Variants in B3GNT2 observed in about 807,000 individuals in gnomAD.
B3GNT2 encodes UDP-GlcNAc:betaGal beta-1,3-N-acetylglucosaminyltransferase 2.
B3GNT2 carries 12 observed loss-of-function variants against 27.6 expected under a neutral mutation model. The observed-to-expected ratio is 0.44, with a 90% CI of 0.28 to 0.71. The LOEUF (loss-of-function observed/expected upper bound fraction) is 0.71. B3GNT2 is among the 30% of genes least tolerant of loss of function. The probability of loss-of-function intolerance (pLI) is 0.17; values close to 1 mark genes in which losing one functional copy is unlikely to be tolerated. For missense variants in B3GNT2, 413 were observed against 488.5 expected (o/e 0.85, Z 1.46); for synonymous variants, 192 against 189.7 (o/e 1.01, Z -0.10).
chr2:62,214,969 G>C (rs533225772), intron 1 of B3GNT2, among the ~76,000 whole-genome samples: 1 of 152,164 alleles, frequency 6.6e-6, no homozygotes, highest in African/African-American at 2.4e-5. Context: ...CTCTGGGAGG[G>C]TTAATTCCCT....
At position 62,222,354 on chromosome 2, in the gene B3GNT2, A is replaced by G. The variant is rs917542505; in HGVS notation, c.134A>G (p.Lys45Arg). 1 of 1,614,162 alleles carries G rather than the reference A, an allele frequency of 6.2e-7. No individual in the cohort carries two copies. Among genetic ancestry groups the G allele is most frequent in the Non-Finnish European group, 8.5e-7 (1 of 1,180,046 alleles). The change falls in exon 2 of 2, where the codon AAA becomes AGA. Residue 45 changes from lysine (K) to arginine (R), a missense_variant. By Grantham distance (26) the Lys-to-Arg change is conservative (BLOSUM62 2). Coordinates refer to ENST00000301998, the MANE Select transcript of B3GNT2 (RefSeq NM_006577.6). This position sits in a 1 kb window ranked among gnomAD's most constrained non-coding sequence, Gnocchi z 4.2. ...KNGKGEVIIP[K>R]EKFWKISTPP... The stretch of plus-strand genomic sequence containing the variant: ...GGAAAAGGGGAAGTAATAATACCCA[A>G]AGAGAAGTTCTGGAAGATATCTACC...
In B3GNT2 at chr2:62,222,788, A is replaced by G; in HGVS notation, c.568A>G (p.Asn190Asp). Residue 190 changes from asparagine (N) to aspartate (D), a missense_variant, in exon 2 of 2, where the codon AAC becomes GAC. Coordinates refer to ENST00000301998, the MANE Select transcript of B3GNT2 (RefSeq NM_006577.6). The surrounding 1 kb of genome is among the most constrained non-coding windows in gnomAD (Gnocchi z 4.2). ...GCTGGGCCAGACACCCCCAGAGGAC[A>G]ACCACCCCGACCTTTCAGATATGCT... ...FLLGQTPPED[N>D]HPDLSDMLKF... The G allele has an allele frequency of 6.2e-7, 1 of 1,614,198 alleles. No homozygotes were observed. Among genetic ancestry groups the G allele is most frequent in the Non-Finnish European group, 8.5e-7 (1 of 1,180,038 alleles).
chr2:62,213,698 T>A (rs1674520661), intron 1 of B3GNT2, among the ~76,000 whole-genome samples: 1 of 152,162 alleles, frequency 6.6e-6, no homozygotes, highest in Non-Finnish European at 1.5e-5. Context: ...AATTCTTATC[T>A]CCCCTAAGTC....
chr2:62,224,525 G>A lies in B3GNT2; in HGVS notation c.*1111G>A, dbSNP rs923861469. Reference sequence around the variant, plus strand: ...TTTTAAATGTTAAGGTGTAACATATGTTAAATAAAACTGTTATTTTTGAAT... The same window carrying A: ...TTTTAAATGTTAAGGTGTAACATATATTAAATAAAACTGTTATTTTTGAAT... On this transcript the variant is annotated 3_prime_UTR_variant, in exon 2 of 2. Coordinates refer to ENST00000301998, the MANE Select transcript of B3GNT2 (RefSeq NM_006577.6). The A allele has an allele frequency of 2.4e-5, 4 of 167,014 alleles. No homozygotes were observed. The highest frequency in any genetic ancestry group is 4.8e-5 in the African/African-American group (2 of 41,430). 10.3% of individuals were successfully genotyped at this position (167,014 alleles called of 1,614,324 possible). A position where few individuals can be genotyped will look rare whatever the true frequency, so the allele number is the denominator to read the frequency against.
Position 62,222,379 on chromosome 2 carries a change from C to A in B3GNT2, c.159C>A (p.Thr53=). Residue 53 remains threonine, a synonymous_variant, in exon 2 of 2, where the codon ACC becomes ACA. Transcript: ENST00000301998. The surrounding 1 kb of genome is among the most constrained non-coding windows in gnomAD (Gnocchi z 4.2). The part of the protein sequence containing the change: ...IPKEKFWKIS[T]PPEAYWNREQ... ...AAGAGAAGTTCTGGAAGATATCTAC[C>A]CCTCCCGAGGCATACTGGAACCGAG... is the stretch of plus-strand genomic sequence containing the variant. The A allele has an allele frequency of 6.2e-7, 1 of 1,613,952 alleles. No individual in the cohort carries two copies. Among genetic ancestry groups the A allele is most frequent in the Non-Finnish European group, 8.5e-7 (1 of 1,179,998 alleles).
intron 1 of B3GNT2, among the ~76,000 whole-genome samples, chr2:62,207,346 A>C (rs1051171995): frequency 1.3e-5 from 2 of 152,114 alleles, no homozygotes; most frequent in Admixed American, 1.3e-4. Context: ...CACCATGCCC[A>C]GCTAATTTTT....
chr2:62,197,832 C>CGGCAG lies in B3GNT2; in HGVS notation c.-10+1491_-10+1495dup, dbSNP rs558041585. On this transcript the variant is annotated intron_variant, in intron 1 of 1. Transcript: ENST00000301998. ...CTGACAGCTGACCCGGAGGGAGGAC[C>CGGCAG]GGCAGGGCAGGGCAGGGCGGTCACT... Among the ~76,000 whole-genome samples the CGGCAG allele has an allele frequency of 6.8e-3, 1,043 of 152,282 alleles. 2 individuals are homozygous for CGGCAG. The highest frequency in any genetic ancestry group is 0.01 in the Non-Finnish European group (713 of 68,002).
intron 1 of B3GNT2, among the ~76,000 whole-genome samples, chr2:62,207,774 C>G (rs1674404365): frequency 1.3e-5 from 2 of 152,162 alleles, no homozygotes; most frequent in African/African-American, 4.8e-5. Flanking sequence ...GCCTGCCCAC[C>G]ACTGCTCACC....
At chr2:62,212,984 G>C (rs1674508018) in intron 1 of B3GNT2, among the ~76,000 whole-genome samples, 1 of 152,152 alleles carries the variant, frequency 6.6e-6, no homozygotes, top group African/African-American at 2.4e-5. Flanking sequence ...CTTGTACACA[G>C]GTCCTAGAGG....
chr2:62,221,458 T>G (rs1239455276), intron 1 of B3GNT2, among the ~76,000 whole-genome samples: 1 of 152,162 alleles, frequency 6.6e-6, no homozygotes, highest in Non-Finnish European at 1.5e-5. Flanking sequence ...TCTGCTTTGG[T>G]TTCCTTATCT....
intron 1 of B3GNT2, among the ~76,000 whole-genome samples, chr2:62,213,978 T>C (rs1674526003): frequency 6.6e-6 from 1 of 152,146 alleles, no homozygotes; most frequent in South Asian, 2.1e-4. Flanking sequence ...TGTGAAGACC[T>C]TGACTGCGGA....
chr2:62,209,641 C>CCA (rs1051658318), intron 1 of B3GNT2, among the ~76,000 whole-genome samples: 3 of 152,096 alleles, frequency 2.0e-5, no homozygotes, highest in African/African-American at 7.2e-5. Context: ...CCGTCACCCC[C>CCA]CACACACACC....
chr2:62,200,833 A>G (rs1674253097), intron 1 of B3GNT2, among the ~76,000 whole-genome samples: 1 of 152,164 alleles, frequency 6.6e-6, no homozygotes, highest in Non-Finnish European at 1.5e-5. Context: ...TGTGGCATGT[A>G]GTCTTTTGTG....
intron 1 of B3GNT2, among the ~76,000 whole-genome samples, chr2:62,205,046 G>A (rs921894955): frequency 2.6e-5 from 4 of 152,192 alleles, no homozygotes; most frequent in African/African-American, 7.2e-5. Flanking sequence ...AAGATTGGAC[G>A]CCCCCAGGGA....
intron 1 of B3GNT2, among the ~76,000 whole-genome samples, chr2:62,207,940 T>C (rs1230856266): frequency 6.6e-6 from 1 of 152,158 alleles, no homozygotes; most frequent in Non-Finnish European, 1.5e-5. Flanking sequence ...TGTTTTAAAA[T>C]TTGAAATTTC....
chr2:62,217,658 G>T (rs1469511386), intron 1 of B3GNT2, among the ~76,000 whole-genome samples: 1 of 152,220 alleles, frequency 6.6e-6, no homozygotes, highest in South Asian at 2.1e-4. Context: ...GCATGGGGCT[G>T]TGTGCTGTAT....
At chr2:62,211,783 ACG>A (rs34857829) in intron 1 of B3GNT2, among the ~76,000 whole-genome samples, 32,778 of 151,738 alleles carry the variant, frequency 0.22, 4,787 homozygotes, top group African/African-American at 0.41. Context: ...CTGCCTGCAG[ACG>A]CTCTGTGCCG....
chr2:62,222,067 G>T lies in B3GNT2; in HGVS notation c.-9-145G>T. 1 of 727,308 alleles carries T rather than the reference G, an allele frequency of 1.4e-6. No individual in the cohort carries two copies. The highest frequency in any genetic ancestry group is 2.2e-6 in the Non-Finnish European group (1 of 450,306). The allele number at this position is 727,308 out of a possible 1,614,324, so 45.1% of individuals were successfully genotyped here. On this transcript the variant is annotated intron_variant, in intron 1 of 1. Transcript: ENST00000301998. This position sits in a 1 kb window ranked among gnomAD's most constrained non-coding sequence, Gnocchi z 4.2. ...TTGCCCATGATCACAAAGCTAGAAA[G>T]GAAGGGCCAAGATTTGAACCTAGGC...
chr2:62,223,262 G>A lies in B3GNT2; in HGVS notation c.1042G>A (p.Glu348Lys). ...MCLQKLGLVP[E>K]KHKGFRTFDI... The stretch of plus-strand genomic sequence containing the variant: ...CCTTCAGAAACTCGGCCTCGTTCCA[G>A]AGAAACACAAAGGCTTCAGGACATT... The change falls in exon 2 of 2, where the codon GAG becomes AAG. Residue 348 changes from glutamate (E) to lysine (K), a missense_variant. Glu to Lys is a moderately conservative substitution (Grantham distance 56). Coordinates refer to ENST00000301998, the MANE Select transcript of B3GNT2 (RefSeq NM_006577.6). The A allele has an allele frequency of 6.2e-7, 1 of 1,614,184 alleles. No individual in the cohort carries two copies. The highest frequency in any genetic ancestry group is 1.1e-5 in the South Asian group (1 of 91,080).
Sources: gnomAD v4.1 joint callset for allele counts (sites outside exome capture counted in the v4.1 genomes callset) on GRCh38, gnomAD v4.1.1 for gene constraint, Gnocchi (gnomAD v3.1) non-coding constraint, MANE v1.5 for transcripts, NCBI Gene and HGNC (gene_info 2026-07-23, HGNC 2026-07-21) for gene names.